PRKG1: variants seen among roughly 807,000 people sequenced by gnomAD.
The protein encoded by PRKG1 is protein kinase cGMP-dependent 1, also known as cGMP-dependent protein kinase 1.
PRKG1 carries 35 observed loss-of-function variants against 88.1 expected under a neutral mutation model. That is an observed-to-expected ratio of 0.40 (90% CI 0.30 to 0.53). The LOEUF is 0.53. Ranked by LOEUF, PRKG1 falls within the 20% of genes least tolerant of loss-of-function variation. The pLI is 0.59. For synonymous variants in PRKG1, 303 were observed against 292.5 expected, an observed-to-expected ratio of 1.04 and a Z score of -0.37; for missense variants, 540 against 839.8, an observed-to-expected ratio of 0.64 and a Z score of 4.41.
intron 2 of PRKG1, among the ~76,000 whole-genome samples, chr10:51,188,576 G>A (rs574230294): frequency 1.3e-5 from 2 of 151,746 alleles, no homozygotes; most frequent in African/African-American, 4.8e-5. Flanking sequence ...ATAAAACCAC[G>A]ACAAGAAGAT....
chr10:51,943,060 C>T (rs1249406285), intron 5 of PRKG1, among the ~76,000 whole-genome samples: 7 of 151,960 alleles, frequency 4.6e-5, no homozygotes, highest in East Asian at 1.9e-4. Context: ...GCCATTTTCA[C>T]GATAATGATT....
At chr10:51,447,743 C>T (rs752884870) in intron 2 of PRKG1, among the ~76,000 whole-genome samples, 3 of 151,972 alleles carry the variant, frequency 2.0e-5, no homozygotes, top group Admixed American at 6.6e-5. Context: ...GCCTAATTCT[C>T]TTCTGCAGGA....
chr10:51,822,223 A>C (rs1203631734), intron 4 of PRKG1, among the ~76,000 whole-genome samples: 2 of 152,072 alleles, frequency 1.3e-5, no homozygotes, highest in Non-Finnish European at 2.9e-5. Flanking sequence ...ATACACACAC[A>C]ATGAAATATT....
At chr10:51,242,538 C>T (rs535782032) in intron 2 of PRKG1, among the ~76,000 whole-genome samples, 16 of 152,258 alleles carry the variant, frequency 1.1e-4, no homozygotes, top group African/African-American at 3.6e-4. Flanking sequence ...TTCCTAGGTA[C>T]CAGCAATGAT....
intron 17 of PRKG1, among the ~76,000 whole-genome samples, chr10:52,293,552 T>C (rs1842316288): frequency 6.6e-6 from 1 of 152,138 alleles, no homozygotes; most frequent in African/African-American, 2.4e-5. Context: ...AGCCAAAGTT[T>C]ATTATATAGA....
At chr10:51,763,572 G>T (rs1218771724) in intron 3 of PRKG1, among the ~76,000 whole-genome samples, 1 of 142,380 alleles carries the variant, frequency 7.0e-6, no homozygotes, top group Admixed American at 7.1e-5. Flanking sequence ...ATTTTAAAAC[G>T]ATGTAAAATT....
At chr10:51,037,647 G>T (rs1051341933) in intron 1 of PRKG1, among the ~76,000 whole-genome samples, 2 of 152,028 alleles carry the variant, frequency 1.3e-5, no homozygotes, top group South Asian at 4.1e-4. Flanking sequence ...AGCCAGGCAT[G>T]GTGGCATGTA....
At chr10:51,061,601 T>C (rs1843693158) in intron 1 of PRKG1, among the ~76,000 whole-genome samples, 2 of 152,198 alleles carry the variant, frequency 1.3e-5, no homozygotes, top group East Asian at 3.8e-4. Flanking sequence ...AGACTCCAAT[T>C]ATATAGAGGT....
intron 3 of PRKG1, among the ~76,000 whole-genome samples, chr10:51,682,734 A>C (rs149350223): frequency 1.4e-3 from 210 of 152,294 alleles, no homozygotes; most frequent in South Asian, 3.7e-3. Context: ...AGGTGTAGAA[A>C]TGAGTCACAT....
At chr10:51,412,558 C>G (rs1838123747) in intron 2 of PRKG1, among the ~76,000 whole-genome samples, 1 of 152,088 alleles carries the variant, frequency 6.6e-6, no homozygotes, top group South Asian at 2.1e-4. Context: ...GCAGGAGAAT[C>G]GCTTGAACCC....
chr10:51,698,926 C>A (rs1247474662), intron 3 of PRKG1: 1 of 1,614,190 alleles, frequency 6.2e-7, no homozygotes, highest in Non-Finnish European at 8.5e-7. Context: ...CAGAGACAGA[C>A]ACAGACTGAG....
intron 3 of PRKG1, among the ~76,000 whole-genome samples, chr10:51,704,417 G>T (rs1003827925): frequency 1.3e-5 from 2 of 152,128 alleles, no homozygotes; most frequent in African/African-American, 4.8e-5. Context: ...CAAGGACGGA[G>T]CCTGTGGCAT....
intron 3 of PRKG1, among the ~76,000 whole-genome samples, chr10:51,639,534 A>G (rs1035458080): frequency 2.7e-5 from 4 of 149,398 alleles, no homozygotes; most frequent in Non-Finnish European, 4.4e-5. Context: ...GGCACTATTT[A>G]AAAGCTAAGT....
chr10:51,575,290 G>A (rs565469210), intron 3 of PRKG1, among the ~76,000 whole-genome samples: 16 of 152,014 alleles, frequency 1.1e-4, no homozygotes, highest in African/African-American at 3.4e-4. Context: ...CTTTTGGTTA[G>A]GCCTCTCCAG....
chr10:51,738,278 T>C (rs1837343039), intron 3 of PRKG1, among the ~76,000 whole-genome samples: 1 of 152,162 alleles, frequency 6.6e-6, no homozygotes, highest in Admixed American at 6.6e-5. Flanking sequence ...TTTTCTAAAT[T>C]TGTGCGCTCA....
chr10:51,067,220 T>A (rs544589116), intron 1 of PRKG1, among the ~76,000 whole-genome samples: 53 of 151,486 alleles, frequency 3.5e-4, no homozygotes, highest in Non-Finnish European at 6.6e-4. Flanking sequence ...ATGGCATATG[T>A]TGCTGTCGCT....
intron 5 of PRKG1, among the ~76,000 whole-genome samples, chr10:51,969,755 T>C (rs1026391073): frequency 1.3e-5 from 2 of 151,882 alleles, no homozygotes; most frequent in Admixed American, 6.6e-5. Flanking sequence ...AAAATATAAA[T>C]ATTCACAACA....
intron 3 of PRKG1, among the ~76,000 whole-genome samples, chr10:51,757,956 G>A (rs1412627034): frequency 2.0e-5 from 3 of 152,200 alleles, no homozygotes; most frequent in South Asian, 2.1e-4. Context: ...GGAGATAACC[G>A]AGAAACTCAG....
At chr10:51,149,422 T>A (rs1358363015) in intron 1 of PRKG1, among the ~76,000 whole-genome samples, 1 of 152,142 alleles carries the variant, frequency 6.6e-6, no homozygotes, top group South Asian at 2.1e-4. Context: ...AAATTGCCCA[T>A]TTTTACCTAA....
Sources: gnomAD v4.1 joint callset for allele counts (sites outside exome capture counted in the v4.1 genomes callset) on GRCh38, gnomAD v4.1.1 for gene constraint, MANE v1.5 for transcripts, NCBI Gene and HGNC (gene_info 2026-07-23, HGNC 2026-07-21) for gene names.